The following COL24A1 variants were observed in gnomAD, a reference collection of about 807,000 sequenced individuals.
The protein encoded by COL24A1 is collagen type XXIV alpha 1 chain.
A neutral mutation model predicts 253.9 loss-of-function variants in COL24A1; 224 were observed. That is an observed-to-expected ratio of 0.88 (90% confidence interval 0.79 to 0.99). The LOEUF is 0.99. Among genes scored for constraint, COL24A1 ranks in the 50% least tolerant of loss-of-function variants. The pLI, the probability that COL24A1 is intolerant of heterozygous loss-of-function variation, is 0.00. For synonymous variants in COL24A1, 685 were observed against 673.7 expected, an observed-to-expected ratio of 1.02 and a Z score of -0.26; for missense variants, 2,131 against 2,068.5, an observed-to-expected ratio of 1.03 and a Z score of -0.59.
intron 19 of COL24A1, among the ~76,000 whole-genome samples, chr1:86,016,678 C>T (rs1697024942): frequency 6.6e-6 from 1 of 152,038 alleles, no homozygotes; most frequent in Admixed American, 6.6e-5. Context: ...GAAAAGAAGG[C>T]CACTGTATAT....
At chr1:86,083,964 T>G (rs1164639712) in intron 7 of COL24A1, among the ~76,000 whole-genome samples, 1 of 152,218 alleles carries the variant, frequency 6.6e-6, no homozygotes. Flanking sequence ...AAGCCAACAT[T>G]AAATTTTCTT....
intron 57 of COL24A1, among the ~76,000 whole-genome samples, chr1:85,743,374 G>A (rs1263719911): frequency 6.6e-6 from 1 of 152,052 alleles, no homozygotes; most frequent in Non-Finnish European, 1.5e-5. Context: ...GATTTCTTGT[G>A]GCTTGCTCTC....
chr1:85,848,114 G>A (rs530303814), intron 38 of COL24A1, among the ~76,000 whole-genome samples: 2 of 152,206 alleles, frequency 1.3e-5, no homozygotes, highest in Non-Finnish European at 1.5e-5. Flanking sequence ...TGGAAAGTCT[G>A]TTTCTATAGA....
In COL24A1 at chr1:86,013,819, G is replaced by T. The variant is rs532027066; in HGVS notation, c.2310+3332C>A. ...CCACTGCATTCCAGCCTGGGCGAGA[G>T]AGTGAAACTGTGTCTCAAAAAAACA... On this transcript the variant is annotated intron_variant, in intron 19 of 59. Transcript: ENST00000370571. Among the ~76,000 whole-genome samples, 78 of 152,288 alleles carry T rather than the reference G, an allele frequency of 5.1e-4. 1 individual carries two copies. The highest frequency in any genetic ancestry group is 1.8e-3 in the African/African-American group (74 of 41,560).
chr1:85,830,811 C>T (rs375132064), intron 43 of COL24A1, among the ~76,000 whole-genome samples: 8 of 152,114 alleles, frequency 5.3e-5, no homozygotes, highest in Admixed American at 2.0e-4. Context: ...CACTGACCTG[C>T]GCCCACTGTC....
intron 43 of COL24A1, among the ~76,000 whole-genome samples, chr1:85,834,352 C>T (rs1291948891): frequency 6.6e-6 from 1 of 151,900 alleles, no homozygotes; most frequent in Non-Finnish European, 1.5e-5. Context: ...GAAAGAGAGA[C>T]AGAGGATTCA....
rs1697688650 is a variant in COL24A1, at chr1:86,022,954, C to T, written c.2103G>A (p.Met701Ile). 1 of 1,612,842 alleles carries T rather than the reference C, an allele frequency of 6.2e-7. No individual in the cohort carries two copies. The highest frequency in any genetic ancestry group is 1.3e-5 in the African/African-American group (1 of 74,814). ...ATCCATTATACAAATAGAACCATAC[C>T]ATTGGGCCAGGAATTCCAGCAGGTC... ...PIGPAGIPGPMGLSGNKGLPG... is the reference protein window; with the variant it reads ...PIGPAGIPGPIGLSGNKGLPG... Residue 701 changes from methionine (M) to isoleucine (I), a missense_variant and splice_region_variant, in exon 15 of 60, where the codon ATG (methionine) becomes ATA (isoleucine). By Grantham distance (10) the Met-to-Ile change is conservative. Transcript: ENST00000370571.
At chr1:86,108,325 C>T (rs1705193051) in intron 5 of COL24A1, among the ~76,000 whole-genome samples, 1 of 152,022 alleles carries the variant, frequency 6.6e-6, no homozygotes, top group African/African-American at 2.4e-5. Flanking sequence ...ATACAAAGTT[C>T]TTCATTTTCT....
intron 38 of COL24A1, among the ~76,000 whole-genome samples, chr1:85,848,397 CCTCCTGGATTCAAGCGATT>C (rs1196572351): frequency 6.6e-6 from 1 of 152,146 alleles, no homozygotes; most frequent in African/African-American, 2.4e-5. Flanking sequence ...GCAACCTCTG[CCTCCTGGATTCAAGCGATT>C]CTCCTGCCTC....
chr1:85,748,392 T>C (rs1665513947), intron 55 of COL24A1, among the ~76,000 whole-genome samples: 1 of 152,174 alleles, frequency 6.6e-6, no homozygotes, highest in Non-Finnish European at 1.5e-5. Context: ...TACGAAATAT[T>C]AAAAAGATAT....
chr1:85,928,507 T>C lies in COL24A1; in HGVS notation c.2563-17074A>G, dbSNP rs1273955759. Among the ~76,000 whole-genome samples the C allele has an allele frequency of 2.3e-4, 12 of 52,956 alleles. 5 individuals carry two copies. The highest frequency in any genetic ancestry group is 1.0e-3 in the Admixed American group (4 of 3,926). The allele number at this position is 52,956 out of a possible 152,430, so 34.7% of individuals were successfully genotyped here. On this transcript the variant is annotated intron_variant, in intron 24 of 59. Coordinates refer to ENST00000370571, the MANE Select transcript of COL24A1 (RefSeq NM_152890.7). ...AATGGAACCAAGTTGGAAAACACTC[T>C]GCAGGATATTATCCAGGAGAACGTC...
chr1:85,820,283 T>A (rs1673490590), intron 45 of COL24A1, among the ~76,000 whole-genome samples: 1 of 152,108 alleles, frequency 6.6e-6, no homozygotes, highest in Non-Finnish European at 1.5e-5. Context: ...AGAGTAAAAA[T>A]CTCTGCATGA....
chr1:86,115,540 G>A (rs190500895), intron 3 of COL24A1, among the ~76,000 whole-genome samples, 162 bp from the exon 4 acceptor site: 3 of 152,284 alleles, frequency 2.0e-5, no homozygotes, highest in East Asian at 3.9e-4. Flanking sequence ...TAATCAGCAG[G>A]GGTGAGTTGA....
In COL24A1 at chr1:86,124,975, T is replaced by G; in HGVS notation, c.1361A>C (p.Tyr454Ser). 1.2e-6 allele frequency: 2 copies of G among 1,613,270 alleles called. No homozygotes were observed. The highest frequency in any genetic ancestry group is 1.7e-6 in the Non-Finnish European group (2 of 1,179,674). The change falls in exon 3 of 60, where the codon TAT becomes TCT. Residue 454 changes from tyrosine to serine, a missense_variant. By Grantham distance (144) the Tyr-to-Ser change is moderately radical. Coordinates refer to ENST00000370571, the MANE Select transcript of COL24A1 (RefSeq NM_152890.7). Reference sequence around the variant, plus strand: ...TTCGATGGGATAAGTAGCATCAGGATAAAATTCACCTTCTTTCCTTAGATC... The same window carrying G: ...TTCGATGGGATAAGTAGCATCAGGAGAAAATTCACCTTCTTTCCTTAGATC... ...HLDLRKEGEF[Y>S]PDATYPIENS...
intron 20 of COL24A1, among the ~76,000 whole-genome samples, chr1:85,979,124 A>G (rs1412851954): frequency 1.3e-5 from 2 of 152,192 alleles, no homozygotes; most frequent in Non-Finnish European, 2.9e-5. Flanking sequence ...TGGAAATTAA[A>G]AAATTATTTG....
chr1:85,834,844 T>A (rs555859276), intron 43 of COL24A1, among the ~76,000 whole-genome samples: 47 of 152,198 alleles, frequency 3.1e-4, no homozygotes, highest in Non-Finnish European at 5.9e-4. Context: ...TCTTGATCTA[T>A]GTGATGTACA....
intron 14 of COL24A1, among the ~76,000 whole-genome samples, chr1:86,028,300 T>C (rs141034437): frequency 5.3e-5 from 8 of 152,288 alleles, no homozygotes; most frequent in African/African-American, 1.9e-4. Flanking sequence ...GGCAGAATGA[T>C]ATGGTTTGGC....
At chr1:86,145,247 G>A (rs566700595) in intron 2 of COL24A1, among the ~76,000 whole-genome samples, 10 of 151,988 alleles carry the variant, frequency 6.6e-5, no homozygotes, top group African/African-American at 2.4e-4. Context: ...AACTGACAAG[G>A]GGTTCATCAA....
intron 1 of COL24A1, among the ~76,000 whole-genome samples, chr1:86,153,636 T>A (rs986443856): frequency 1.3e-5 from 2 of 152,226 alleles, no homozygotes; most frequent in Non-Finnish European, 2.9e-5. Context: ...TAAATGACAC[T>A]CAAAAGTACT....
Sources: gnomAD v4.1 joint callset for allele counts (sites outside exome capture counted in the v4.1 genomes callset) on GRCh38, gnomAD v4.1.1 for gene constraint, MANE v1.5 for transcripts, NCBI Gene and HGNC (gene_info 2026-07-23, HGNC 2026-07-21) for gene names.